Variants in PDE4D observed in about 807,000 individuals in gnomAD.
The protein encoded by PDE4D is 3',5'-cyclic-AMP phosphodiesterase 4D.
Under a neutral mutation model 87.4 loss-of-function variants are expected in PDE4D, and 24 were observed. The ratio of observed to expected loss-of-function variants is 0.27; its 90% CI spans 0.20 to 0.39. The LOEUF is 0.39. Ranked by LOEUF, PDE4D falls within the 10% of genes least tolerant of loss-of-function variation. The pLI is 1.00. For missense variants in PDE4D, 714 were observed against 1,041.0 expected (o/e 0.69, Z 4.32); for synonymous variants, 384 against 383.2 (o/e 1.00, Z -0.02).
At chr5:59,123,440 A>G (rs1774904931) in intron 5 of PDE4D, among the ~76,000 whole-genome samples, 1 of 152,152 alleles carries the variant, frequency 6.6e-6, no homozygotes, top group African/African-American at 2.4e-5. Flanking sequence ...TTTCCCTTTC[A>G]TAATCTGCCG....
At chr5:59,894,683 C>T (rs1450387710), upstream of PDE4D, among the ~76,000 whole-genome samples, 1 of 152,216 alleles carries the variant, frequency 6.6e-6, no homozygotes, top group African/African-American at 2.4e-5. Context: ...TGCCTGCCTG[C>T]AATTTGCCTT....
intron 1 of PDE4D, among the ~76,000 whole-genome samples, chr5:59,856,632 T>C (rs1218551169): frequency 6.6e-6 from 1 of 152,180 alleles, no homozygotes; most frequent in African/African-American, 2.4e-5. Context: ...GAATTTTGCA[T>C]TTAATTTGCA....
rs1020975883 is a variant in PDE4D at position 60,148,344 on chromosome 5, C to T, written c.42+37213G>A. Reference sequence around the variant, plus strand: ...TATTCCACAAAAGTAACAATACAACCACAAAAATAATAATAAAAATCATTG... The same window carrying T: ...TATTCCACAAAAGTAACAATACAACTACAAAAATAATAATAAAAATCATTG... On this transcript the variant is annotated intron_variant, in intron 2 of 16. Coordinates refer to the PDE4D transcript ENST00000502484. 2.6e-5 allele frequency among the ~76,000 whole-genome samples: 4 copies of T among 152,082 alleles called. No homozygotes were observed. The East Asian group carries it at 7.7e-4, about 29-fold the overall frequency.
At chr5:59,794,892 C>G (rs1766282370) in intron 1 of PDE4D, among the ~76,000 whole-genome samples, 1 of 152,126 alleles carries the variant, frequency 6.6e-6, no homozygotes, top group Non-Finnish European at 1.5e-5. Context: ...CAGCATGGCT[C>G]TTCTCCAGCC....
chr5:60,075,689 G>A, intron 2 of PDE4D, among the ~76,000 whole-genome samples: 2 of 152,070 alleles, frequency 1.3e-5, no homozygotes. Flanking sequence ...TTATTTCTTG[G>A]AGGTTTTGTT....
At chr5:59,588,879 T>A (rs1825560178) in intron 1 of PDE4D, among the ~76,000 whole-genome samples, 1 of 152,238 alleles carries the variant, frequency 6.6e-6, no homozygotes, top group African/African-American at 2.4e-5. Flanking sequence ...TCATTTGTAA[T>A]CTGGCCCAGA....
At chr5:60,088,739 G>A (rs1340731998) in intron 2 of PDE4D, among the ~76,000 whole-genome samples, 2 of 151,820 alleles carry the variant, frequency 1.3e-5, no homozygotes, top group Non-Finnish European at 2.9e-5. Context: ...GTAAGAGAGA[G>A]AGAGAAAAAG....
chr5:60,321,308 T>C (rs112496263), intron 1 of PDE4D, among the ~76,000 whole-genome samples: 13,420 of 152,234 alleles, frequency 0.088, 1,948 homozygotes, highest in African/African-American at 0.31. Flanking sequence ...AAGGATTCCC[T>C]GTTCAATAAA....
intron 1 of PDE4D, among the ~76,000 whole-genome samples, chr5:59,340,871 T>C (rs1223631420): frequency 6.6e-6 from 1 of 152,224 alleles, no homozygotes; most frequent in Admixed American, 6.5e-5. Context: ...TCATTCCTTT[T>C]TGTGGCTGAA....
intron 1 of PDE4D, among the ~76,000 whole-genome samples, chr5:59,459,466 G>T (rs187370925): frequency 6.6e-6 from 1 of 152,024 alleles, no homozygotes; most frequent in Admixed American, 6.6e-5. Context: ...CCTAACTCTG[G>T]CAATTTAATA....
intron 1 of PDE4D, among the ~76,000 whole-genome samples, chr5:60,201,449 CT>C (rs1168539286): frequency 6.6e-6 from 1 of 151,794 alleles, no homozygotes. Context: ...TAAAAGGAGA[CT>C]TTTTTTAAAA....
intron 1 of PDE4D, among the ~76,000 whole-genome samples, chr5:59,785,886 GT>G (rs1000875421): frequency 1.2e-4 from 18 of 151,894 alleles, no homozygotes; most frequent in Admixed American, 2.6e-4. Context: ...GGCAATGGTT[GT>G]TTTCTTCATT....
At chr5:60,187,854 C>T (rs1434800286) in intron 1 of PDE4D, among the ~76,000 whole-genome samples, 1 of 152,084 alleles carries the variant, frequency 6.6e-6, no homozygotes, top group African/African-American at 2.4e-5. Flanking sequence ...TTCTATGTAG[C>T]TTTTAGGTAC....
intron 1 of PDE4D, among the ~76,000 whole-genome samples, chr5:59,474,046 C>T (rs1162225023): frequency 6.6e-6 from 1 of 152,006 alleles, no homozygotes; most frequent in Middle Eastern, 3.2e-3. Flanking sequence ...TTTGTGTTGA[C>T]TAGAATTTTA....
chr5:60,302,145 A>G lies in PDE4D; in HGVS notation c.-89-116458T>C, dbSNP rs893509936. ...TGGCCTGAAGTTTTCTTTTTTTGTT[A>G]TATCTCTGCCAGGTTTTGGTATCAG... On this transcript the variant is annotated intron_variant, in intron 1 of 16. Coordinates refer to the PDE4D transcript ENST00000502484. Among the ~76,000 whole-genome samples, 9 of 152,012 alleles carry G rather than the reference A, an allele frequency of 5.9e-5. No homozygotes were observed. In the East Asian group the frequency reaches 1.7e-3, roughly 29 times the overall value.
At chr5:59,158,874 A>G (rs956775368) in intron 5 of PDE4D, among the ~76,000 whole-genome samples, 3 of 152,178 alleles carry the variant, frequency 2.0e-5, no homozygotes, top group African/African-American at 7.2e-5. Flanking sequence ...AATGTTAAGA[A>G]ATCACAAGTG....
intron 1 of PDE4D, among the ~76,000 whole-genome samples, chr5:59,641,186 C>A (rs747429867): frequency 6.6e-6 from 1 of 152,220 alleles, no homozygotes; most frequent in Admixed American, 6.5e-5. Context: ...AATATTCTGA[C>A]CAAACTCAGT....
chr5:59,252,174 T>C lies in PDE4D; in HGVS notation c.456-36206A>G, dbSNP rs112183330. 8.5e-5 allele frequency among the ~76,000 whole-genome samples: 13 copies of C among 152,172 alleles called. 2 individuals carry two copies. The highest frequency in any genetic ancestry group is 3.1e-4 in the African/African-American group (13 of 41,522). On this transcript the variant is annotated intron_variant, in intron 1 of 14. Transcript: ENST00000340635. ...TTCACATGTACCCCCAAACCTAAAA[T>C]AAAAATTAAAAAAAGAACCTGTGAA...
chr5:59,980,174 G>A (rs984667898), intron 3 of PDE4D, among the ~76,000 whole-genome samples: 2 of 152,092 alleles, frequency 1.3e-5, no homozygotes, highest in African/African-American at 4.8e-5. Context: ...GGCTTTTAAA[G>A]AATTATAAGC....
Sources: gnomAD v4.1 joint callset for allele counts (sites outside exome capture counted in the v4.1 genomes callset) on GRCh38, gnomAD v4.1.1 for gene constraint, MANE v1.5 for transcripts, NCBI Gene and HGNC (gene_info 2026-07-23, HGNC 2026-07-21) for gene names.